DPYD: variants seen among roughly 807,000 people sequenced by gnomAD.
DPYD encodes the protein dihydropyrimidine dehydrogenase.
DPYD carries 109 observed loss-of-function variants against 116.2 expected under a neutral mutation model. The observed-to-expected ratio is 0.94, with a 90% CI of 0.80 to 1.10. The LOEUF is 1.10. Ranked by LOEUF, DPYD falls within the 50% of genes least tolerant of loss-of-function variation. DPYD has a pLI of 0.00. For missense variants in DPYD, 1,302 were observed against 1,254.5 expected (o/e 1.04, Z -0.57); for synonymous variants, 440 against 432.0 (o/e 1.02, Z -0.23).
intron 6 of DPYD, among the ~76,000 whole-genome samples, chr1:97,692,199 T>C (rs1267717228): frequency 1.3e-5 from 2 of 152,050 alleles, no homozygotes; most frequent in Admixed American, 6.6e-5. Flanking sequence ...AATATATGTA[T>C]ACACATATAT....
intron 3 of DPYD, chr1:97,798,012 C>A (rs964640772): frequency 2.6e-5 from 4 of 152,040 alleles, no homozygotes; most frequent in Non-Finnish European, 5.9e-5. Flanking sequence ...AACGTTCTGA[C>A]AACTTCAGAA....
At chr1:97,395,292 A>G (rs567047555) in intron 14 of DPYD, among the ~76,000 whole-genome samples, 2 of 151,978 alleles carry the variant, frequency 1.3e-5, no homozygotes, top group South Asian at 2.1e-4. Flanking sequence ...TATAAAGTAC[A>G]TTTTATATCA....
chr1:97,722,788 T>C (rs943578472), intron 4 of DPYD, among the ~76,000 whole-genome samples: 1 of 151,516 alleles, frequency 6.6e-6, no homozygotes, highest in Non-Finnish European at 1.5e-5. Flanking sequence ...CCCAGCACTT[T>C]AAAAGACTTT....
intron 2 of DPYD, among the ~76,000 whole-genome samples, chr1:97,830,364 A>C (rs1298695814): frequency 1.3e-5 from 2 of 152,154 alleles, no homozygotes; most frequent in East Asian, 3.9e-4. Flanking sequence ...AGATTACTTG[A>C]CTATCTAGTT....
chr1:97,279,129 GT>G (rs1286689888), intron 18 of DPYD, among the ~76,000 whole-genome samples: 3 of 152,050 alleles, frequency 2.0e-5, no homozygotes, highest in African/African-American at 7.2e-5. Context: ...GAGCATAGTG[GT>G]GAATCTGTAA....
intron 3 of DPYD, among the ~76,000 whole-genome samples, chr1:97,819,488 T>C (rs1483813597): frequency 2.0e-5 from 3 of 151,980 alleles, no homozygotes; most frequent in African/African-American, 4.8e-5. Flanking sequence ...CGTTAAATCA[T>C]GTATTACTAC....
intron 19 of DPYD, among the ~76,000 whole-genome samples, chr1:97,212,610 T>C (rs1405122389): frequency 6.6e-6 from 1 of 152,114 alleles, no homozygotes; most frequent in Non-Finnish European, 1.5e-5. Flanking sequence ...CCGGATTGTA[T>C]GGTACATTTT....
At chr1:97,556,729 C>A (rs902843570) in intron 11 of DPYD, among the ~76,000 whole-genome samples, 44 of 149,736 alleles carry the variant, frequency 2.9e-4, no homozygotes, top group African/African-American at 9.7e-4. Flanking sequence ...TGTATATGTG[C>A]CACATTTTCT....
intron 3 of DPYD, among the ~76,000 whole-genome samples, chr1:97,813,923 C>G (rs1426252428): frequency 6.8e-6 from 1 of 147,416 alleles, no homozygotes; most frequent in Non-Finnish European, 1.5e-5. Context: ...CAGACACACA[C>G]ACACACACAC....
chr1:97,528,131 G>T (rs1419022937), intron 12 of DPYD, among the ~76,000 whole-genome samples: 1 of 152,134 alleles, frequency 6.6e-6, no homozygotes, highest in Non-Finnish European at 1.5e-5. Flanking sequence ...GCTCTTTGAA[G>T]AAATATCTAT....
chr1:97,523,554 A>G (rs988927669), intron 12 of DPYD, among the ~76,000 whole-genome samples: 6 of 152,168 alleles, frequency 3.9e-5, no homozygotes, highest in East Asian at 1.9e-4. Flanking sequence ...TATAATCCCA[A>G]TTGTGATCTG....
chr1:97,726,183 T>C (rs952555661), intron 4 of DPYD, among the ~76,000 whole-genome samples: 16 of 151,564 alleles, frequency 1.1e-4, no homozygotes, highest in Non-Finnish European at 2.4e-4. Context: ...ACAAAGCTAC[T>C]AGTTAACATG....
At chr1:97,348,080 G>A (rs550053047) in intron 16 of DPYD, among the ~76,000 whole-genome samples, 10 of 152,170 alleles carry the variant, frequency 6.6e-5, no homozygotes, top group Admixed American at 2.0e-4. Context: ...TGTTAAGAAG[G>A]CATTGTCACA....
At chr1:97,777,275 T>C (rs186036296) in intron 3 of DPYD, among the ~76,000 whole-genome samples, 6 of 152,158 alleles carry the variant, frequency 3.9e-5, no homozygotes, top group African/African-American at 1.4e-4. Flanking sequence ...TCACTTACCA[T>C]AGAGACAAGA....
At chr1:97,386,353 C>T (rs1672348577) in intron 14 of DPYD, among the ~76,000 whole-genome samples, 1 of 151,170 alleles carries the variant, frequency 6.6e-6, no homozygotes. Context: ...ATCACTGATT[C>T]CTCATTTAAC....
At chr1:97,298,134 C>T (rs766909165) in intron 18 of DPYD, among the ~76,000 whole-genome samples, 11 of 152,104 alleles carry the variant, frequency 7.2e-5, no homozygotes, top group Admixed American at 2.0e-4. Flanking sequence ...TTGCTTAAAG[C>T]GTTTGACATT....
chr1:97,452,815 C>T (rs368878157), intron 13 of DPYD, among the ~76,000 whole-genome samples: 8 of 152,024 alleles, frequency 5.3e-5, no homozygotes, highest in African/African-American at 1.7e-4. Context: ...CTTTCTGAGG[C>T]CTCCACATTA....
In DPYD at chr1:97,510,686, T is replaced by C. The variant is rs1570868200; in HGVS notation, c.1740+5040A>G. ...CTTCTATGCATGTCCCTTTGTAATG[T>C]GGTTTTGCACTTCTTTTTATCAATA... On this transcript the variant is annotated intron_variant, in intron 13 of 22. Coordinates refer to ENST00000370192, the MANE Select transcript of DPYD (RefSeq NM_000110.4). 2.6e-5 allele frequency among the ~76,000 whole-genome samples: 4 copies of C among 152,144 alleles called. No homozygotes were observed. The South Asian group carries it at 8.3e-4, about 32-fold the overall frequency.
intron 2 of DPYD, among the ~76,000 whole-genome samples, chr1:97,829,472 C>T (rs1226533377): frequency 6.6e-6 from 1 of 151,962 alleles, no homozygotes; most frequent in Admixed American, 6.6e-5. Flanking sequence ...TGGGTATATA[C>T]ATTAAAAGTA....
Sources: gnomAD v4.1 joint callset for allele counts (sites outside exome capture counted in the v4.1 genomes callset) on GRCh38, gnomAD v4.1.1 for gene constraint, MANE v1.5 for transcripts, NCBI Gene and HGNC (gene_info 2026-07-23, HGNC 2026-07-21) for gene names.